Variants in SLC9B2 observed in about 807,000 individuals in gnomAD.
SLC9B2 encodes sodium/hydrogen exchanger 9B2.
A neutral mutation model predicts 52.2 loss-of-function variants in SLC9B2; 39 were observed. The ratio of observed to expected loss-of-function variants is 0.75; its 90% CI spans 0.58 to 0.98. The LOEUF is 0.98. SLC9B2 is among the 50% of genes least tolerant of loss of function. The pLI, the probability that SLC9B2 is intolerant of heterozygous loss-of-function variation, is 0.00. For missense variants in SLC9B2, 626 were observed against 637.5 expected (o/e 0.98, Z 0.19); for synonymous variants, 214 against 227.0 (o/e 0.94, Z 0.51).
At chr4:103,022,123 T>C (rs1741834715), downstream of SLC9B2, among the ~76,000 whole-genome samples, 1 of 152,250 alleles carries the variant, frequency 6.6e-6, no homozygotes, top group Non-Finnish European at 1.5e-5. Context: ...CAAGTTCTAT[T>C]GAAAACCAAG....
At chr4:103,040,665 A>G (rs1015498437) in intron 9 of SLC9B2, among the ~76,000 whole-genome samples, 1 of 152,250 alleles carries the variant, frequency 6.6e-6, no homozygotes, top group Non-Finnish European at 1.5e-5. Context: ...ATAATGAACA[A>G]AAGACCTACC....
chr4:103,039,520 G>A (rs982572720), intron 9 of SLC9B2, among the ~76,000 whole-genome samples: 1 of 152,018 alleles, frequency 6.6e-6, no homozygotes, highest in Non-Finnish European at 1.5e-5. Context: ...GTTCCTACAG[G>A]AATAAGAACT....
chr4:103,058,102 A>G, intron 3 of SLC9B2, 131 bp from the exon 4 acceptor site: 1 of 882,862 alleles, frequency 1.1e-6, no homozygotes, highest in Non-Finnish European at 1.7e-6. Context: ...TTAATCTGTA[A>G]AGAGTATCAG....
At chr4:103,041,300 A>G (rs1368950226) in intron 9 of SLC9B2, among the ~76,000 whole-genome samples, 1 of 152,200 alleles carries the variant, frequency 6.6e-6, no homozygotes, top group Non-Finnish European at 1.5e-5. Flanking sequence ...CAGAGTTACT[A>G]GAGGTAAATA....
Position 103,050,275 on chromosome 4 carries a change from T to C in SLC9B2, c.550A>G (p.Ile184Val), listed in dbSNP as rs202202393. The stretch of plus-strand genomic sequence containing the variant: ...AGACCAAGGCCAGCACGAACCAGAA[T>C]GATAGACAGGGCTATGCTTCTCAAA... ...SSLRSIALSIILVRAGLGLDS... is the reference protein window; with the variant it reads ...SSLRSIALSIVLVRAGLGLDS... Residue 184 changes from isoleucine (I) to valine (V), a missense_variant, in exon 5 of 12, where the codon ATT (isoleucine) becomes GTT (valine). Ile to Val is a conservative substitution (Grantham distance 29). Coordinates refer to ENST00000394785, the MANE Select transcript of SLC9B2 (RefSeq NM_178833.7). 6 of 1,606,184 alleles carry C rather than the reference T, an allele frequency of 3.7e-6. No individual in the cohort carries two copies. The East Asian group carries it at 1.4e-4, about 36-fold the overall frequency.
At chr4:103,019,492 G>C (rs988246257), downstream of SLC9B2, 1 of 723,466 alleles carries the variant, frequency 1.4e-6, no homozygotes, top group South Asian at 6.2e-5. Flanking sequence ...TTGAACTGAG[G>C]GGGAGGAAAG....
intron 8 of SLC9B2, among the ~76,000 whole-genome samples, chr4:103,044,024 CT>C (rs968656327): frequency 1.3e-5 from 2 of 152,092 alleles, no homozygotes; most frequent in Non-Finnish European, 2.9e-5. Context: ...GAATTGTGTA[CT>C]TTTTTTCCCT....
At chr4:103,020,700 G>C (rs1309508351), downstream of SLC9B2, among the ~76,000 whole-genome samples, 1 of 152,242 alleles carries the variant, frequency 6.6e-6, no homozygotes, top group Non-Finnish European at 1.5e-5. Flanking sequence ...AGTGCAGTGC[G>C]ATCTAGGCTC....
At chr4:103,046,392 T>C (rs1045890164) in intron 7 of SLC9B2, among the ~76,000 whole-genome samples, 1 of 152,236 alleles carries the variant, frequency 6.6e-6, no homozygotes, top group Non-Finnish European at 1.5e-5. Context: ...GTACTATCTG[T>C]TCACATCAGT....
rs1006292850 is a variant in SLC9B2 at position 103,055,769 on chromosome 4, C to A, written c.442+2032G>T. Among the ~76,000 whole-genome samples the A allele has an allele frequency of 1.1e-4, 16 of 151,078 alleles. 1 individual carries two copies. Among genetic ancestry groups the A allele is most frequent in the Admixed American group, 7.9e-4 (12 of 15,168 alleles). ...ATCTGTTAGAAATGAACACAAAATG[C>A]CTCTGTGGTAAACAAATTTTATAAT... On this transcript the variant is annotated intron_variant, in intron 4 of 11. Transcript: ENST00000394785.
At chr4:103,027,403 C>T (rs775428568) in intron 11 of SLC9B2, among the ~76,000 whole-genome samples, 1 of 152,036 alleles carries the variant, frequency 6.6e-6, no homozygotes, top group East Asian at 1.9e-4. Context: ...ATAGTGGACA[C>T]CTTGACAACT....
intron 3 of SLC9B2, among the ~76,000 whole-genome samples, chr4:103,060,945 C>T (rs1195263975): frequency 1.3e-5 from 2 of 152,192 alleles, no homozygotes; most frequent in Non-Finnish European, 2.9e-5. Flanking sequence ...GTCAGAGGCC[C>T]CATCTGCAGA....
At chr4:103,026,934 G>A (rs1251257760) in intron 11 of SLC9B2, among the ~76,000 whole-genome samples, 1 of 152,046 alleles carries the variant, frequency 6.6e-6, no homozygotes, top group Non-Finnish European at 1.5e-5. Flanking sequence ...TTAGAGACAG[G>A]GTCTCGCTGT....
intron 9 of SLC9B2, among the ~76,000 whole-genome samples, chr4:103,040,705 A>C (rs943792832): frequency 1.3e-5 from 2 of 152,242 alleles, no homozygotes; most frequent in Non-Finnish European, 2.9e-5. Context: ...ACAAGTGTCT[A>C]AATATGTGAA....
chr4:103,050,639 G>C (rs1469094928), intron 4 of SLC9B2, among the ~76,000 whole-genome samples: 1 of 152,190 alleles, frequency 6.6e-6, no homozygotes, highest in African/African-American at 2.4e-5. Context: ...GCAGCATTTG[G>C]ATAGAGAGTA....
At chr4:103,064,814 T>C (rs1745969348) in intron 3 of SLC9B2, among the ~76,000 whole-genome samples, 1 of 152,222 alleles carries the variant, frequency 6.6e-6, no homozygotes, top group Non-Finnish European at 1.5e-5. Flanking sequence ...TGGATGTTTA[T>C]GTTTTTGAAC....
At chr4:103,062,497 AG>A (rs1411962389) in intron 3 of SLC9B2, among the ~76,000 whole-genome samples, 2 of 152,216 alleles carry the variant, frequency 1.3e-5, no homozygotes, top group African/African-American at 4.8e-5. Context: ...CTTGAAACAC[AG>A]TTGTAAATAC....
At chr4:103,034,320 G>C (rs113312855) in intron 9 of SLC9B2, among the ~76,000 whole-genome samples, 1 of 151,754 alleles carries the variant, frequency 6.6e-6, no homozygotes, top group African/African-American at 2.4e-5. Flanking sequence ...ATGAATGAAA[G>C]ACTTAAATGT....
Position 103,024,637 on chromosome 4 carries a change from T to C in SLC9B2, c.*1733A>G, listed in dbSNP as rs548869971. Among the ~76,000 whole-genome samples the C allele has an allele frequency of 4.9e-4, 74 of 152,330 alleles. No homozygotes were observed. The highest frequency in any genetic ancestry group is 3.4e-3 in the Middle Eastern group (1 of 294). On this transcript the variant is annotated 3_prime_UTR_variant, in exon 12 of 12. Coordinates refer to ENST00000394785, the MANE Select transcript of SLC9B2 (RefSeq NM_178833.7). ...ATTCATCTAATACATATTTAATATC[T>C]ACTTCAAGATTAAAATGAACTTTGA...
Sources: allele counts gnomAD v4.1 joint callset (sites outside exome capture counted in the v4.1 genomes callset), GRCh38; gene constraint gnomAD v4.1.1; transcripts MANE v1.5; gene names NCBI Gene and HGNC (gene_info 2026-07-23, HGNC 2026-07-21).